MDGA2: variants seen among roughly 807,000 people sequenced by gnomAD.
MDGA2 encodes MAM domain-containing glycosylphosphatidylinositol anchor protein 2.
Under a neutral mutation model 117.8 loss-of-function variants are expected in MDGA2, and 40 were observed. The ratio of observed to expected loss-of-function variants is 0.34; its 90% CI spans 0.26 to 0.44. MDGA2 has a LOEUF of 0.44. Among genes scored for constraint, MDGA2 ranks in the 20% least tolerant of loss-of-function variants. MDGA2 has a pLI of 1.00. For synonymous variants in MDGA2, 452 were observed against 439.0 expected (o/e 1.03, Z -0.37); for missense variants, 1,123 against 1,250.6 (o/e 0.90, Z 1.54).
chr14:47,633,252 C>T (rs138910610), intron 1 of MDGA2, among the ~76,000 whole-genome samples: 470 of 152,168 alleles, frequency 3.1e-3, no homozygotes, highest in African/African-American at 0.011. Context: ...CAGGACTATG[C>T]CCATTTTATT....
chr14:47,589,612 T>C (rs1245975113), intron 1 of MDGA2, among the ~76,000 whole-genome samples: 2 of 151,992 alleles, frequency 1.3e-5, no homozygotes, highest in Non-Finnish European at 2.9e-5. Flanking sequence ...TCCTCCAAAT[T>C]TGTTAGTCTT....
chr14:47,123,401 C>A (rs1341014020), intron 5 of MDGA2, among the ~76,000 whole-genome samples: 1 of 151,936 alleles, frequency 6.6e-6, no homozygotes, highest in Non-Finnish European at 1.5e-5. Context: ...CTCTTAATGA[C>A]CATTGCTTCT....
intron 1 of MDGA2, among the ~76,000 whole-genome samples, chr14:47,629,905 G>A (rs1233933487): frequency 2.0e-5 from 3 of 152,070 alleles, no homozygotes; most frequent in East Asian, 1.9e-4. Flanking sequence ...TTCTAATTCC[G>A]GGGGTCTGTG....
At chr14:47,387,020 A>T (rs1310696251) in intron 1 of MDGA2, among the ~76,000 whole-genome samples, 4 of 152,140 alleles carry the variant, frequency 2.6e-5, no homozygotes, top group Non-Finnish European at 5.9e-5. Flanking sequence ...TAATGAATTT[A>T]AAAAAGCACC....
chr14:47,335,972 A>G (rs763715348), intron 1 of MDGA2, among the ~76,000 whole-genome samples: 1 of 151,522 alleles, frequency 6.6e-6, no homozygotes, highest in Non-Finnish European at 1.5e-5. Flanking sequence ...TCAAATTTCA[A>G]TACAAATTTA....
intron 9 of MDGA2, among the ~76,000 whole-genome samples, chr14:46,924,926 T>C (rs1027666278): frequency 5.3e-5 from 8 of 152,100 alleles, no homozygotes; most frequent in African/African-American, 1.2e-4. Context: ...TTTTTTACCA[T>C]TGGGAGATGG....
chr14:47,352,569 C>A lies in MDGA2; in HGVS notation c.281-51019G>T, dbSNP rs561090848. 4.6e-5 allele frequency among the ~76,000 whole-genome samples: 7 copies of A among 152,314 alleles called. No homozygotes were observed. The South Asian group carries it at 1.2e-3, about 27-fold the overall frequency. ...ACATGGACGCAACTGACAGTTCTTA[C>A]ATTTAGTATGACTTGCTCACCTAAT... On this transcript the variant is annotated intron_variant, in intron 1 of 16. Coordinates refer to ENST00000399232, the MANE Select transcript of MDGA2 (RefSeq NM_001113498.3).
At chr14:47,311,968 A>C (rs2416042) in intron 1 of MDGA2, among the ~76,000 whole-genome samples, 55,128 of 151,960 alleles carry the variant, frequency 0.36, 11,030 homozygotes, top group Admixed American at 0.54. Context: ...AAATATAAAT[A>C]ATTTATACTC....
At chr14:46,981,694 T>C (rs911714547) in intron 8 of MDGA2, among the ~76,000 whole-genome samples, 2 of 152,196 alleles carry the variant, frequency 1.3e-5, no homozygotes, top group Non-Finnish European at 2.9e-5. Context: ...GATGAAGTGA[T>C]CCAGGTTATC....
intron 8 of MDGA2, among the ~76,000 whole-genome samples, chr14:46,993,205 T>C (rs771317303): frequency 7.2e-5 from 11 of 152,156 alleles, no homozygotes; most frequent in Admixed American, 3.9e-4. Context: ...AATAGCATTG[T>C]TTATTAAGCA....
chr14:47,313,844 T>C (rs1340406906), intron 1 of MDGA2, among the ~76,000 whole-genome samples: 1 of 152,046 alleles, frequency 6.6e-6, no homozygotes, highest in Non-Finnish European at 1.5e-5. Flanking sequence ...GATCCAAATA[T>C]GAAATATACT....
At chr14:47,262,362 A>G (rs1887824165) in intron 2 of MDGA2, among the ~76,000 whole-genome samples, 1 of 152,210 alleles carries the variant, frequency 6.6e-6, no homozygotes, top group African/African-American at 2.4e-5. Flanking sequence ...ATGAGTTAAC[A>G]TGACTTAATC....
intron 5 of MDGA2, among the ~76,000 whole-genome samples, chr14:47,111,677 A>G (rs961285742): frequency 6.6e-6 from 1 of 152,188 alleles, no homozygotes; most frequent in African/African-American, 2.4e-5. Context: ...TCTAAGAGGT[A>G]ACGAGGAGAA....
chr14:47,591,790 A>G (rs1052630294), intron 1 of MDGA2, among the ~76,000 whole-genome samples: 21 of 152,144 alleles, frequency 1.4e-4, no homozygotes, highest in African/African-American at 5.1e-4. Context: ...TGTCAAAATA[A>G]TAAGAGCCAT....
chr14:47,345,090 T>C lies in MDGA2; in HGVS notation c.281-43540A>G, dbSNP rs553379309. 3.9e-5 allele frequency among the ~76,000 whole-genome samples: 6 copies of C among 152,206 alleles called. No individual in the cohort carries two copies. In the East Asian group the frequency reaches 1.2e-3, roughly 29 times the overall value. On this transcript the variant is annotated intron_variant, in intron 1 of 16. Coordinates refer to ENST00000399232, the MANE Select transcript of MDGA2 (RefSeq NM_001113498.3). ...TTCTCACATTTCTCTCCTTAGGGAA[T>C]ATACAACCTCTGCCAGAAGAGTTCA... is the stretch of plus-strand genomic sequence containing the variant.
intron 2 of MDGA2, among the ~76,000 whole-genome samples, chr14:47,268,354 C>T (rs1028503965): frequency 2.6e-5 from 4 of 152,132 alleles, no homozygotes; most frequent in African/African-American, 4.8e-5. Flanking sequence ...GGATTATAGG[C>T]ATGAGCCAGT....
At chr14:46,942,147 C>G (rs1468479015) in intron 9 of MDGA2, among the ~76,000 whole-genome samples, 1 of 152,114 alleles carries the variant, frequency 6.6e-6, no homozygotes, top group Non-Finnish European at 1.5e-5. Flanking sequence ...AGGGGAAATA[C>G]TGTGCAGAAT....
intron 1 of MDGA2, among the ~76,000 whole-genome samples, chr14:47,539,386 A>T (rs1049637595): frequency 4.6e-5 from 7 of 152,180 alleles, no homozygotes; most frequent in Non-Finnish European, 1.0e-4. Flanking sequence ...CTACTGACAA[A>T]GCTTAATTTT....
chr14:47,000,370 T>TAA (rs1887468093), intron 8 of MDGA2, among the ~76,000 whole-genome samples: 1 of 90,248 alleles, frequency 1.1e-5, no homozygotes, highest in Non-Finnish European at 2.0e-5. Context: ...TATATGTATA[T>TAA]ATATATTTAT....
Sources: gnomAD v4.1 joint callset for allele counts (sites outside exome capture counted in the v4.1 genomes callset) on GRCh38, gnomAD v4.1.1 for gene constraint, MANE v1.5 for transcripts, NCBI Gene and HGNC (gene_info 2026-07-23, HGNC 2026-07-21) for gene names.